MPP7: variants seen among roughly 807,000 people sequenced by gnomAD.
MPP7 encodes MAGUK p55 subfamily member 7.
In MPP7, 60 loss-of-function variants were observed where a neutral mutation model predicts 76.5. The observed-to-expected ratio is 0.78, with a 90% CI of 0.64 to 0.97. MPP7 has a LOEUF of 0.97. Among genes scored for constraint, MPP7 ranks in the 50% least tolerant of loss-of-function variants. MPP7 has a pLI of 0.00. For synonymous variants in MPP7, 237 were observed against 244.5 expected, an observed-to-expected ratio of 0.97 and a Z score of 0.29; for missense variants, 641 against 694.0, an observed-to-expected ratio of 0.92 and a Z score of 0.86.
intron 1 of MPP7, among the ~76,000 whole-genome samples, chr10:28,284,135 T>C (rs12357685): frequency 0.1 from 15,527 of 152,126 alleles, 936 homozygotes; most frequent in South Asian, 0.16. Flanking sequence ...GATTAATAGT[T>C]GGTATGAACA....
At chr10:28,206,030 G>C (rs1264532918) in intron 2 of MPP7, among the ~76,000 whole-genome samples, 3 of 152,114 alleles carry the variant, frequency 2.0e-5, no homozygotes, top group African/African-American at 7.2e-5. Context: ...TCAGATTCTG[G>C]TTCCTCGATC....
chr10:28,323,193 G>A (rs1046810773), intron 2 of MPP7, among the ~76,000 whole-genome samples: 14 of 152,108 alleles, frequency 9.2e-5, no homozygotes, highest in African/African-American at 3.4e-4. Context: ...GCTGAGGCAG[G>A]AGAATGGCAT....
chr10:28,221,000 T>C (rs1371757924), intron 2 of MPP7, among the ~76,000 whole-genome samples: 2 of 152,128 alleles, frequency 1.3e-5, no homozygotes. Context: ...GTATCTTAAA[T>C]GGCTTTCTTT....
intron 2 of MPP7, among the ~76,000 whole-genome samples, chr10:28,237,094 C>A (rs1418882182): frequency 6.6e-6 from 1 of 152,150 alleles, no homozygotes; most frequent in East Asian, 1.9e-4. Context: ...ACCTAAACTG[C>A]CTTATAAACT....
chr10:28,113,116 C>T (rs1189010339), intron 11 of MPP7, among the ~76,000 whole-genome samples: 1 of 152,182 alleles, frequency 6.6e-6, no homozygotes, highest in Non-Finnish European at 1.5e-5. Context: ...TGCAATTATG[C>T]TGCAGTGACC....
intron 3 of MPP7, among the ~76,000 whole-genome samples, chr10:28,160,264 A>G (rs1271868193): frequency 6.6e-6 from 1 of 152,196 alleles, no homozygotes; most frequent in East Asian, 1.9e-4. Flanking sequence ...TTTGCAGCCA[A>G]GTGCTTTCTG....
intron 3 of MPP7, among the ~76,000 whole-genome samples, chr10:28,162,451 G>C (rs899402132): frequency 6.6e-6 from 1 of 152,064 alleles, no homozygotes; most frequent in African/African-American, 2.4e-5. Flanking sequence ...ACTATGAAAA[G>C]TCTATCTGAA....
In MPP7 at chr10:28,222,329, T is replaced by C. The variant is rs535452160; in HGVS notation, c.37+16239A>G. The stretch of plus-strand genomic sequence containing the variant: ...GCCTGGGTAATATGGTGAGACCCCA[T>C]CTCTACGAAAATAAGAAATCAGCCA... On this transcript the variant is annotated intron_variant, in intron 2 of 16. Transcript: ENST00000683449. 3.3e-5 allele frequency among the ~76,000 whole-genome samples: 5 copies of C among 151,806 alleles called. No individual in the cohort carries two copies. The South Asian group carries it at 8.3e-4, about 25-fold the overall frequency.
intron 2 of MPP7, among the ~76,000 whole-genome samples, chr10:28,223,317 A>C (rs10763653): frequency 0.17 from 26,378 of 152,154 alleles, 2,593 homozygotes; most frequent in African/African-American, 0.26. Context: ...CTGAGGAAAC[A>C]GTGCAAGAGA....
intron 2 of MPP7, 107 bp from the exon 3 acceptor site, chr10:28,202,378 G>T: frequency 1.4e-6 from 1 of 711,960 alleles, no homozygotes; most frequent in Non-Finnish European, 2.3e-6. Flanking sequence ...TACTGGATTT[G>T]TATTCCGGGC....
intron 16 of MPP7, among the ~76,000 whole-genome samples, chr10:28,054,745 T>TG (rs1198579079): frequency 6.6e-6 from 1 of 152,188 alleles, no homozygotes. Flanking sequence ...GGTGCAATCC[T>TG]GGCTCACCGC....
At chr10:28,145,877 C>T (rs187979594) in intron 5 of MPP7, among the ~76,000 whole-genome samples, 3 of 152,222 alleles carry the variant, frequency 2.0e-5, no homozygotes, top group East Asian at 1.9e-4. Flanking sequence ...TTCTTAATAA[C>T]GTCTAAAGTC....
chr10:28,269,761 C>T lies in MPP7; in HGVS notation c.-131-31026G>A, dbSNP rs181596268. 8.7e-4 allele frequency among the ~76,000 whole-genome samples: 132 copies of T among 152,248 alleles called. 2 individuals carry two copies. Among genetic ancestry groups the T allele is most frequent in the African/African-American group, 2.9e-3 (121 of 41,548 alleles). ...TAGGCTGGTCTCTAATTCCTGGCCTCAAGCGATCCTCTTGCCTCAGCCTCC... is the reference window on the plus strand; with the variant it reads ...TAGGCTGGTCTCTAATTCCTGGCCTTAAGCGATCCTCTTGCCTCAGCCTCC... On this transcript the variant is annotated intron_variant, in intron 1 of 16. Transcript: ENST00000683449.
chr10:28,104,083 C>CA (rs1366814411), intron 11 of MPP7, among the ~76,000 whole-genome samples: 5 of 151,552 alleles, frequency 3.3e-5, no homozygotes, highest in African/African-American at 1.2e-4. Flanking sequence ...ATGAGGAATA[C>CA]AAAAAGAAAA....
intron 1 of MPP7, among the ~76,000 whole-genome samples, chr10:28,283,469 C>G (rs1409291797): frequency 6.6e-6 from 1 of 152,076 alleles, no homozygotes; most frequent in African/African-American, 2.4e-5. Flanking sequence ...AATGACCGCT[C>G]TTAATCTGTA....
chr10:28,200,980 A>C (rs1341961881), intron 3 of MPP7, among the ~76,000 whole-genome samples: 10 of 152,204 alleles, frequency 6.6e-5, no homozygotes, highest in Non-Finnish European at 1.5e-5. Flanking sequence ...CAACTTAAAA[A>C]TATTTTTATG....
At chr10:28,265,330 G>A (rs111460396) in intron 1 of MPP7, among the ~76,000 whole-genome samples, 7,956 of 152,252 alleles carry the variant, frequency 0.052, 462 homozygotes, top group African/African-American at 0.14. Context: ...AGGCCAAGGC[G>A]GGGGGACTGC....
At chr10:28,314,365 A>G (rs866910409) in intron 2 of MPP7, among the ~76,000 whole-genome samples, 3 of 152,238 alleles carry the variant, frequency 2.0e-5, no homozygotes, top group Non-Finnish European at 2.9e-5. Flanking sequence ...AGTGTAACAT[A>G]AGGATTATAC....
intron 5 of MPP7, among the ~76,000 whole-genome samples, chr10:28,134,199 C>T (rs769893946): frequency 5.3e-5 from 8 of 152,066 alleles, no homozygotes; most frequent in Non-Finnish European, 1.0e-4. Context: ...CATTATTAGT[C>T]TAAATTTGGC....
Sources: gnomAD v4.1 joint callset for allele counts (sites outside exome capture counted in the v4.1 genomes callset) on GRCh38, gnomAD v4.1.1 for gene constraint, MANE v1.5 for transcripts, NCBI Gene and HGNC (gene_info 2026-07-23, HGNC 2026-07-21) for gene names.